Variants in ZSWIM9 observed in about 807,000 individuals in gnomAD.
ZSWIM9 encodes uncharacterized protein ZSWIM9.
A neutral mutation model predicts 25.0 loss-of-function variants in ZSWIM9; 11 were observed. The observed-to-expected ratio is 0.44, with a 90% CI of 0.28 to 0.73. The LOEUF (loss-of-function observed/expected upper bound fraction) is 0.73, where lower values mean the gene tolerates loss of function less well. Ranked by LOEUF, ZSWIM9 falls within the 30% of genes least tolerant of loss-of-function variation. The probability of loss-of-function intolerance (pLI) is 0.16; values close to 1 mark genes in which losing one functional copy is unlikely to be tolerated. For missense variants in ZSWIM9, 1,070 were observed against 1,296.5 expected (o/e 0.83, Z 2.68); for synonymous variants, 562 against 582.1 (o/e 0.97, Z 0.50).
Position 48,195,992 on chromosome 19 carries a change from C to A in ZSWIM9, c.1928C>A (p.Ala643Glu). Residue 643 changes from alanine (A) to glutamate (E), a missense_variant, in exon 4 of 4, where the codon GCA becomes GAA. Physicochemically the swap from Ala to Glu is moderately radical, Grantham distance 107. Transcript: ENST00000614654. The surrounding 1 kb of genome is among the most constrained non-coding windows in gnomAD (Gnocchi z 5.8). ...HDERAGGLRT[A>E]EWKGPQSEVE... Reference sequence around the variant, plus strand: ...GAAAGGGCAGGGGGACTGAGAACTGCAGAATGGAAGGGGCCACAGTCAGAA... The same window carrying A: ...GAAAGGGCAGGGGGACTGAGAACTGAAGAATGGAAGGGGCCACAGTCAGAA... 7.9e-7 allele frequency: 1 copy of A among 1,272,112 alleles called. No individual in the cohort carries two copies. The highest frequency in any genetic ancestry group is 9.9e-7 in the Non-Finnish European group (1 of 1,011,630). The allele number at this position is 1,272,112 out of a possible 1,614,324, so 78.8% of individuals were successfully genotyped here. A position where few individuals can be genotyped will look rare whatever the true frequency, so the allele number is the denominator to read the frequency against.
At chr19:48,178,732 C>T (rs140121930) in intron 2 of ZSWIM9, among the ~76,000 whole-genome samples, 1,643 of 152,234 alleles carry the variant, frequency 0.011, 31 homozygotes, top group Middle Eastern at 0.058. Flanking sequence ...TGTGCCACCG[C>T]ACCTGGCTAA....
intron 3 of ZSWIM9, chr19:48,192,932 C>A: frequency 6.5e-6 from 1 of 154,924 alleles, no homozygotes. Context: ...GATGTCGTCT[C>A]TCAGTGAAGT....
At chr19:48,173,731 G>T (rs2036865031) in intron 2 of ZSWIM9, among the ~76,000 whole-genome samples, 1 of 152,098 alleles carries the variant, frequency 6.6e-6, no homozygotes. Context: ...CAGCCTCCTG[G>T]GCTCAAGCAA....
chr19:48,192,487 A>G (rs1213208815), intron 3 of ZSWIM9, among the ~76,000 whole-genome samples: 4 of 40,098 alleles, frequency 1.0e-4, no homozygotes, highest in Non-Finnish European at 1.9e-4. Flanking sequence ...AAAAATATAT[A>G]TATATATATA....
chr19:48,195,126 G>A lies in ZSWIM9; in HGVS notation c.1062G>A (p.Ser354=), dbSNP rs750663375. Residue 354 remains serine, a synonymous_variant, in exon 4 of 4, where the codon TCG becomes TCA. Coordinates refer to ENST00000614654, the MANE Select transcript of ZSWIM9 (RefSeq NM_199341.4). This position sits in a 1 kb window ranked among gnomAD's most constrained non-coding sequence, Gnocchi z 5.8. ...SRLCRLAGAS[S]PAAYDEALAE... is the part of the protein sequence containing the mutation. Reference sequence around the variant, plus strand: ...TGTGCCGCCTGGCTGGCGCGTCGTCGCCCGCAGCCTACGACGAGGCGCTGG... The same window carrying A: ...TGTGCCGCCTGGCTGGCGCGTCGTCACCCGCAGCCTACGACGAGGCGCTGG... 6.7e-7 allele frequency: 1 copy of A among 1,485,572 alleles called. No individual in the cohort carries two copies. Among genetic ancestry groups the A allele is most frequent in the South Asian group, 1.2e-5 (1 of 81,086 alleles). The allele number at this position is 1,485,572 out of a possible 1,614,324, so 92.0% of individuals were successfully genotyped here.
chr19:48,171,596 T>C (rs2036811796), intron 1 of ZSWIM9, among the ~76,000 whole-genome samples, 198 bp from the exon 2 acceptor site: 1 of 151,996 alleles, frequency 6.6e-6, no homozygotes, highest in South Asian at 2.1e-4. Flanking sequence ...GAACCAGGGA[T>C]AAGGCGGTGG....
intron 2 of ZSWIM9, among the ~76,000 whole-genome samples, chr19:48,174,333 C>T (rs966895253): frequency 5.3e-5 from 8 of 152,052 alleles, no homozygotes; most frequent in Admixed American, 5.2e-4. Context: ...ATACCCGCCT[C>T]ATGGGGCCAT....
rs1442960879 is a variant in ZSWIM9 at position 48,197,311 on chromosome 19, G to C, written c.*484G>C. ...GGAAAGGGGAGCCGGAAATGGAGGA[G>C]AGAGGACAAGCAAAGAGACAGAAAT... On this transcript the variant is annotated 3_prime_UTR_variant, in exon 4 of 4. Coordinates refer to ENST00000614654, the MANE Select transcript of ZSWIM9 (RefSeq NM_199341.4). 1.4e-6 allele frequency: 1 copy of C among 702,666 alleles called. No individual in the cohort carries two copies. Among genetic ancestry groups the C allele is most frequent in the South Asian group, 1.5e-5 (1 of 67,554 alleles). The allele number at this position is 702,666 out of a possible 1,614,324, so 43.5% of individuals were successfully genotyped here. A position where few individuals can be genotyped will look rare whatever the true frequency, so the allele number is the denominator to read the frequency against.
intron 2 of ZSWIM9, among the ~76,000 whole-genome samples, chr19:48,178,303 G>A (rs1332223298): frequency 6.6e-6 from 1 of 152,216 alleles, no homozygotes; most frequent in Non-Finnish European, 1.5e-5. Context: ...GAAAAAAGGG[G>A]TGTGTCAAGG....
intron 3 of ZSWIM9, among the ~76,000 whole-genome samples, chr19:48,192,498 T>TATATATATATATATAC (rs369454865): frequency 4.3e-4 from 9 of 20,766 alleles, no homozygotes; most frequent in Non-Finnish European, 8.3e-4. Context: ...TATATATATA[T>TATATATATATATATAC]ACACACACAC....
rs1055168392 is a variant in ZSWIM9 at position 48,194,964 on chromosome 19, G to A, written c.900G>A (p.Ala300=). The change falls in exon 4 of 4, where the codon GCG becomes GCA. Residue 300 remains alanine (A), a synonymous_variant. Transcript: ENST00000614654. This position sits in a 1 kb window ranked among gnomAD's most constrained non-coding sequence, Gnocchi z 6.0. The part of the protein sequence containing the change: ...RCLTAGPEVA[A]QLPAVRQLLP... ...TCACCGCCGGGCCCGAGGTGGCGGC[G>A]CAGTTGCCTGCAGTGCGCCAGCTGC... is the stretch of plus-strand genomic sequence containing the variant. 1.5e-6 allele frequency: 2 copies of A among 1,329,210 alleles called. No homozygotes were observed. The highest frequency in any genetic ancestry group is 1.6e-5 in the African/African-American group (1 of 62,878). 82.3% of individuals were successfully genotyped at this position (1,329,210 alleles called of 1,614,324 possible).
chr19:48,192,467 A>AGT (rs1186774255), intron 3 of ZSWIM9, among the ~76,000 whole-genome samples: 1 of 37,160 alleles, frequency 2.7e-5, no homozygotes, highest in African/African-American at 9.1e-5. Context: ...AAAAAAAAAA[A>AGT]AAAAAAAAAA....
In ZSWIM9 at chr19:48,182,342, C is replaced by A; in HGVS notation, c.276-113C>A. Reference sequence around the variant, plus strand: ...GCTGGCATATTCTTAGGGCCCTCTACTCTTCTCTATGCCTGAAACAATTCT... The same window carrying A: ...GCTGGCATATTCTTAGGGCCCTCTAATCTTCTCTATGCCTGAAACAATTCT... On this transcript the variant is annotated intron_variant, in intron 2 of 3. Transcript: ENST00000614654. This position sits in a 1 kb window ranked among gnomAD's most constrained non-coding sequence, Gnocchi z 4.6. The A allele has an allele frequency of 2.2e-6, 2 of 928,230 alleles. No individual in the cohort carries two copies. The highest frequency in any genetic ancestry group is 3.1e-6 in the Non-Finnish European group (2 of 637,194). The allele number at this position is 928,230 out of a possible 1,614,324, so 57.5% of individuals were successfully genotyped here. A position where few individuals can be genotyped will look rare whatever the true frequency, so the allele number is the denominator to read the frequency against.
intron 1 of ZSWIM9, 49 bp from the exon 2 acceptor site, chr19:48,171,745 C>A (rs2036817443): frequency 2.0e-6 from 3 of 1,471,790 alleles, no homozygotes; most frequent in African/African-American, 2.8e-5. Context: ...TGAGATACCC[C>A]GGGTGGGAAT....
Position 48,187,597 on chromosome 19 carries a change from ATAT to A in ZSWIM9, c.588+4834_588+4836del, listed in dbSNP as rs1568579964. 46 of 81,872 alleles carry A rather than the reference ATAT, an allele frequency of 5.6e-4. 1 individual carries two copies. The highest frequency in any genetic ancestry group is 6.8e-4 in the African/African-American group (15 of 21,992). The allele number at this position is 81,872 out of a possible 1,614,324, so 5.1% of individuals were successfully genotyped here. A position where few individuals can be genotyped will look rare whatever the true frequency, so the allele number is the denominator to read the frequency against. On this transcript the variant is annotated intron_variant, in intron 3 of 3. Transcript: ENST00000614654. ...TATATATTATATATTATATAATATA[ATAT>A]TATATATTATATTAATATTATAATA... is the stretch of plus-strand genomic sequence containing the variant.
chr19:48,192,498 T>TATATATATATATATATATATAC (rs369454865), intron 3 of ZSWIM9, among the ~76,000 whole-genome samples: 3 of 20,766 alleles, frequency 1.4e-4, no homozygotes, highest in Non-Finnish European at 3.1e-4. Flanking sequence ...TATATATATA[T>TATATATATATATATATATATAC]ACACACACAC....
rs945295069 is a variant in ZSWIM9, at chr19:48,194,921, A to G, written c.857A>G (p.Lys286Arg). 7.6e-6 allele frequency: 10 copies of G among 1,316,148 alleles called. No individual in the cohort carries two copies. The highest frequency in any genetic ancestry group is 6.8e-6 in the Non-Finnish European group (7 of 1,034,538). The allele number at this position is 1,316,148 out of a possible 1,614,324, so 81.5% of individuals were successfully genotyped here. A position where few individuals can be genotyped will look rare whatever the true frequency, so the allele number is the denominator to read the frequency against. ...ASLLQSAPDV[K>R]GRVRCLTAGP... ...CTGCTGCAGAGCGCGCCAGACGTCA[A>G]GGGCCGCGTGCGCTGCCTCACCGCC... The change falls in exon 4 of 4, where the codon AAG becomes AGG. Residue 286 changes from lysine to arginine, a missense_variant. By Grantham distance (26) the Lys-to-Arg change is conservative. Transcript: ENST00000614654. The surrounding 1 kb of genome is among the most constrained non-coding windows in gnomAD (Gnocchi z 6.0).
chr19:48,171,664 C>A, intron 1 of ZSWIM9, 130 bp from the exon 2 acceptor site: 1 of 885,098 alleles, frequency 1.1e-6, no homozygotes, highest in Non-Finnish European at 1.7e-6. Context: ...AAAACAGGCA[C>A]GTCCGACCCC....
At chr19:48,187,528 T>A (rs1415154096) in intron 3 of ZSWIM9, 2 of 83,724 alleles carry the variant, frequency 2.4e-5, no homozygotes, top group Non-Finnish European at 4.4e-5. Context: ...TATTATATAT[T>A]ATATTATTAT....
Sources: allele counts gnomAD v4.1 joint callset (sites outside exome capture counted in the v4.1 genomes callset), GRCh38; gene constraint gnomAD v4.1.1; non-coding constraint Gnocchi (gnomAD v3.1); transcripts MANE v1.5; gene names NCBI Gene and HGNC (gene_info 2026-07-23, HGNC 2026-07-21).